DIP2A: variants seen among roughly 807,000 people sequenced by gnomAD.
DIP2A encodes disco-interacting protein 2 homolog A.
Under a neutral mutation model 177.4 loss-of-function variants are expected in DIP2A, and 85 were observed. That is an observed-to-expected ratio of 0.48 (90% CI 0.40 to 0.57). The LOEUF (loss-of-function observed/expected upper bound fraction) is 0.57, where lower values mean the gene tolerates loss of function less well. Among genes scored for constraint, DIP2A ranks in the 20% least tolerant of loss-of-function variants. The pLI, the probability that DIP2A is intolerant of heterozygous loss-of-function variation, is 0.00. For synonymous variants in DIP2A, 886 were observed against 881.8 expected (o/e 1.00, Z -0.08); for missense variants, 1,791 against 2,100.2 (o/e 0.85, Z 2.88).
At position 46,498,712 on chromosome 21, in the gene DIP2A, C is replaced by G. The variant is rs2057492641; in HGVS notation, c.534C>G (p.Ser178=). 1 of 1,613,834 alleles carries G rather than the reference C, an allele frequency of 6.2e-7. No individual in the cohort carries two copies. The highest frequency in any genetic ancestry group is 2.2e-5 in the East Asian group (1 of 44,884). Residue 178 remains serine, a synonymous_variant, in exon 5 of 38, where the codon TCC becomes TCG. Coordinates refer to ENST00000417564, the MANE Select transcript of DIP2A (RefSeq NM_015151.4). The surrounding 1 kb of genome is among the most constrained non-coding windows in gnomAD (Gnocchi z 4.3). ...DRVIQGSSTS[S]SASSTSSHPG... ...TCATTCAGGGCTCGTCCACCTCATCCTCTGCATCCTCCACCTCATCTCACC... is the reference window on the plus strand; with the variant it reads ...TCATTCAGGGCTCGTCCACCTCATCGTCTGCATCCTCCACCTCATCTCACC...
At chr21:46,541,923 T>C (rs1346431021) in intron 18 of DIP2A, 28 bp downstream of exon 18, 2 of 1,613,470 alleles carry the variant, frequency 1.2e-6, no homozygotes, top group East Asian at 4.5e-5. Context: ...AGTGGGTCTT[T>C]GTCCATGACT....
intron 6 of DIP2A, among the ~76,000 whole-genome samples, chr21:46,508,506 C>T (rs1211465364): frequency 1.3e-5 from 2 of 151,232 alleles, no homozygotes; most frequent in South Asian, 4.2e-4. Flanking sequence ...CTACAGGCGC[C>T]CGCCACCACA....
intron 6 of DIP2A, among the ~76,000 whole-genome samples, chr21:46,505,632 A>C (rs188111831): frequency 1.3e-5 from 2 of 152,272 alleles, no homozygotes; most frequent in Admixed American, 1.3e-4. Context: ...ACATTTGTAC[A>C]GCTGTGGAAA....
At chr21:46,524,051 C>T (rs1175465523) in intron 8 of DIP2A, among the ~76,000 whole-genome samples, 1 of 152,228 alleles carries the variant, frequency 6.6e-6, no homozygotes, top group Non-Finnish European at 1.5e-5. Flanking sequence ...GGGATCTTTT[C>T]CAGCTGTCCC....
At position 46,511,546 on chromosome 21, in the gene DIP2A, C is replaced by G; in HGVS notation, c.1034C>G (p.Thr345Arg). 2 of 1,606,196 alleles carry G rather than the reference C, an allele frequency of 1.2e-6. No individual in the cohort carries two copies. The highest frequency in any genetic ancestry group is 1.7e-6 in the Non-Finnish European group (2 of 1,176,650). The change falls in exon 8 of 38, where the codon ACA (threonine) becomes AGA (arginine). Residue 345 changes from threonine to arginine, a missense_variant. Thr to Arg is a moderately conservative substitution (Grantham distance 71). Coordinates refer to ENST00000417564, the MANE Select transcript of DIP2A (RefSeq NM_015151.4). ...GCCACCTTGCAGCGCTGGGGCACAA[C>G]ACAGCCCAAATCCCCCTGTCTGACT... ...LLATLQRWGTTQPKSPCLTAL... is the reference protein window; with the variant it reads ...LLATLQRWGTRQPKSPCLTAL...
chr21:46,514,630 T>G (rs1230070939), intron 8 of DIP2A, among the ~76,000 whole-genome samples: 4 of 140,152 alleles, frequency 2.9e-5, no homozygotes, highest in South Asian at 4.6e-4. Flanking sequence ...TTTTTTTTTT[T>G]TTTTTTTTTT....
At chr21:46,560,156 T>TA (rs2060616798) in intron 32 of DIP2A, among the ~76,000 whole-genome samples, 1 of 152,250 alleles carries the variant, frequency 6.6e-6, no homozygotes, top group South Asian at 2.1e-4. Flanking sequence ...CTGGGATCTT[T>TA]AAGGGTGATG....
At chr21:46,460,425 T>A (rs1158459139) in intron 1 of DIP2A, among the ~76,000 whole-genome samples, 2 of 152,232 alleles carry the variant, frequency 1.3e-5, no homozygotes, top group African/African-American at 2.4e-5. Flanking sequence ...GTTTTTGAGA[T>A]CTAAATGCAT....
At chr21:46,545,062 A>G (rs1453008545) in intron 18 of DIP2A, 75 bp from the exon 19 acceptor site, 2 of 1,438,942 alleles carry the variant, frequency 1.4e-6, no homozygotes, top group Non-Finnish European at 1.9e-6. Context: ...CCGCACATAC[A>G]GCAGCAAGGA....
chr21:46,476,510 G>C (rs886073854), intron 1 of DIP2A, among the ~76,000 whole-genome samples: 2 of 152,146 alleles, frequency 1.3e-5, no homozygotes, highest in East Asian at 3.9e-4. Context: ...AAGAGCTCAG[G>C]AAAAGGAGGG....
rs201171669 is a variant in DIP2A at position 46,498,623 on chromosome 21, C to T, written c.445C>T (p.Pro149Ser). ...ASEDEGSLRRPGRLTSTPLQS... is the reference protein window; with the variant it reads ...ASEDEGSLRRSGRLTSTPLQS... The stretch of plus-strand genomic sequence containing the variant: ...AGAAGATGAGGGCTCTTTACGGCGA[C>T]CCGGGCGACTCACCTCCACTCCGCT... The change falls in exon 5 of 38, where the codon CCC (proline) becomes TCC (serine). Residue 149 changes from proline to serine, a missense_variant. Pro to Ser is a moderately conservative substitution (Grantham distance 74). Transcript: ENST00000417564. This position sits in a 1 kb window ranked among gnomAD's most constrained non-coding sequence, Gnocchi z 4.3. The T allele has an allele frequency of 6.2e-7, 1 of 1,612,748 alleles. No homozygotes were observed. The highest frequency in any genetic ancestry group is 1.3e-5 in the African/African-American group (1 of 74,860).
intron 6 of DIP2A, among the ~76,000 whole-genome samples, chr21:46,507,941 T>C (rs1327899169): frequency 1.3e-5 from 2 of 152,066 alleles, no homozygotes; most frequent in African/African-American, 2.4e-5. Flanking sequence ...AGATGGGATT[T>C]TGACCTGTTG....
intron 8 of DIP2A, among the ~76,000 whole-genome samples, chr21:46,522,406 C>A (rs1003090567): frequency 6.6e-6 from 1 of 152,210 alleles, no homozygotes; most frequent in Non-Finnish European, 1.5e-5. Flanking sequence ...GGGAAACATG[C>A]AGTTTCTGGA....
chr21:46,510,349 C>T (rs1648377270), intron 7 of DIP2A, among the ~76,000 whole-genome samples: 1 of 152,258 alleles, frequency 6.6e-6, no homozygotes, highest in Middle Eastern at 3.4e-3. Flanking sequence ...CTTTCCCAGT[C>T]CACTGACTCA....
chr21:46,527,763 T>C (rs899471930), intron 8 of DIP2A, among the ~76,000 whole-genome samples: 20 of 152,130 alleles, frequency 1.3e-4, no homozygotes, highest in African/African-American at 4.8e-4. Context: ...GCTTGCGTTG[T>C]GCCACAGGGA....
intron 1 of DIP2A, among the ~76,000 whole-genome samples, chr21:46,465,415 A>C (rs993148399): frequency 2.9e-5 from 2 of 68,960 alleles, no homozygotes; most frequent in East Asian, 5.9e-4. Flanking sequence ...TAAATATAAC[A>C]AAAAAAAAAT....
At chr21:46,509,693 A>C (rs2058209511) in intron 7 of DIP2A, among the ~76,000 whole-genome samples, 1 of 152,216 alleles carries the variant, frequency 6.6e-6, no homozygotes, top group Non-Finnish European at 1.5e-5. Flanking sequence ...GTGGTTTTAA[A>C]GTATTTAATT....
intron 8 of DIP2A, chr21:46,525,471 GT>G (rs2059036050): frequency 6.6e-6 from 1 of 152,172 alleles, no homozygotes; most frequent in Admixed American, 6.5e-5. Context: ...GGGTGGATCT[GT>G]TTTGCTGTTC....
At position 46,563,726 on chromosome 21, in the gene DIP2A, A is replaced by T. The variant is rs114660007; in HGVS notation, c.4090-132A>T. ...AAAGTCAAATTTGGAGCGGCCTCTA[A>T]ACTTCCTGACCTGACATGAGCACAT... On this transcript the variant is annotated intron_variant, in intron 34 of 37. Transcript: ENST00000417564. The surrounding 1 kb of genome is among the most constrained non-coding windows in gnomAD (Gnocchi z 4.3). 9.4e-5 allele frequency: 133 copies of T among 1,407,546 alleles called. No individual in the cohort carries two copies. In the African/African-American group the frequency reaches 1.7e-3, roughly 18 times the overall value. 87.2% of individuals were successfully genotyped at this position (1,407,546 alleles called of 1,614,324 possible).
Sources: gnomAD v4.1 joint callset for allele counts (sites outside exome capture counted in the v4.1 genomes callset) on GRCh38, gnomAD v4.1.1 for gene constraint, Gnocchi (gnomAD v3.1) non-coding constraint, MANE v1.5 for transcripts, NCBI Gene and HGNC (gene_info 2026-07-23, HGNC 2026-07-21) for gene names.